KMT2D: variants seen among roughly 807,000 people sequenced by gnomAD.
KMT2D encodes the protein lysine methyltransferase 2D, also known as histone-lysine N-methyltransferase 2D.
A neutral mutation model predicts 512.7 loss-of-function variants in KMT2D; 55 were observed. That is an observed-to-expected ratio of 0.11 (90% CI 0.09 to 0.13). KMT2D has a LOEUF of 0.13. Among genes scored for constraint, KMT2D ranks in the 10% least tolerant of loss-of-function variants. The probability of loss-of-function intolerance (pLI) is 1.00; values close to 1 mark genes in which losing one functional copy is unlikely to be tolerated. For synonymous variants in KMT2D, 2,995 were observed against 2,904.0 expected, an observed-to-expected ratio of 1.03 and a Z score of -1.01; for missense variants, 6,061 against 7,127.9, an observed-to-expected ratio of 0.85 and a Z score of 5.39.
At position 49,040,329 on chromosome 12, in the gene KMT2D, C is replaced by A. The variant is rs2120527083; in HGVS notation, c.7441G>T (p.Ala2481Ser). Reference protein sequence around the residue: ...RPQPPEVAFKAGSLAHTSLGA... With the variant: ...RPQPPEVAFKSGSLAHTSLGA... ...AGCGAAGTGTGGGCTAGAGACCCAG[C>A]CTTAAAGGCAACTTCAGGGGGCTGG... The change falls in exon 32 of 55, where the codon GCT (alanine) becomes TCT (serine). Residue 2481 changes from alanine to serine, a missense_variant. Ala to Ser is a moderately conservative substitution (Grantham distance 99). Transcript: ENST00000301067. 6.4e-7 allele frequency: 1 copy of A among 1,572,224 alleles called. No individual in the cohort carries two copies. The highest frequency in any genetic ancestry group is 8.6e-7 in the Non-Finnish European group (1 of 1,158,976).
chr12:49,032,042 C>T lies in KMT2D; in HGVS notation c.12663G>A (p.Gln4221=). The T allele has an allele frequency of 6.2e-7, 1 of 1,608,830 alleles. No homozygotes were observed. The highest frequency in any genetic ancestry group is 8.5e-7 in the Non-Finnish European group (1 of 1,176,916). The change falls in exon 40 of 55, where the codon CAG becomes CAA. Residue 4221 remains glutamine, a synonymous_variant. Coordinates refer to ENST00000301067, the MANE Select transcript of KMT2D (RefSeq NM_003482.4). ...LRHLSPQQQQ[Q]LQALLMQRQL... ...GCCGCTGCATGAGGAGTGCCTGTAG[C>T]TGCTGCTGCTGCTGAGGACTTAAGT...
rs777250293 is a variant in KMT2D, at chr12:49,041,161, C to A, written c.6609G>T (p.Thr2203=). 8 of 1,520,586 alleles carry A rather than the reference C, an allele frequency of 5.3e-6. No homozygotes were observed. The highest frequency in any genetic ancestry group is 7.0e-6 in the Non-Finnish European group (8 of 1,137,602). The allele number at this position is 1,520,586 out of a possible 1,614,324, so 94.2% of individuals were successfully genotyped here. ...GCATCGGGGGCTGCGCAGGGGCCCC[C>A]GTAGGACTAGGATAGGGGGGATAGG... The part of the protein sequence containing the change: ...PPTYPPYPSP[T]GAPAQPPMLG... The change falls in exon 32 of 55, where the codon ACG becomes ACT. Residue 2203 remains threonine, a synonymous_variant. Transcript: ENST00000301067. The surrounding 1 kb of genome is among the most constrained non-coding windows in gnomAD (Gnocchi z 5.4).
In KMT2D at chr12:49,027,001, G is replaced by A. The variant is rs369790149; in HGVS notation, c.14965C>T (p.Arg4989Trp). The A allele has an allele frequency of 5.0e-6, 8 of 1,613,916 alleles. No homozygotes were observed. The highest frequency in any genetic ancestry group is 6.8e-6 in the Non-Finnish European group (8 of 1,179,906). Residue 4989 changes from arginine (R) to tryptophan (W), a missense_variant, in exon 49 of 55, where the codon CGG (arginine) becomes TGG (tryptophan). Physicochemically the swap from Arg to Trp is moderately radical, Grantham distance 101 (BLOSUM62 -3). Around this residue, in one of 16 missense-constraint regions of KMT2D, gnomAD observed 1,600 missense variants for 1,754.9 expected, o/e 0.91. Transcript: ENST00000301067. The part of the protein sequence containing the change: ...LKKWKGVRWK[R>W]LRLLLTIQKG... ...TGGATGGTCAGCAGCAGCCGAAGCCGCTTCCAGCGCACTCCTTTCCATTTC... is the reference window on the plus strand; with the variant it reads ...TGGATGGTCAGCAGCAGCCGAAGCCACTTCCAGCGCACTCCTTTCCATTTC...
Position 49,037,897 on chromosome 12 carries a change from C to G in KMT2D, c.9459G>C (p.Gly3153=), listed in dbSNP as rs753391993. ...PAPAANSLGL[G]LKPGQSMMGS... ...CCATCATGCTCTGTCCTGGCTTTAG[C>G]CCCAGGCCAAGGGAATTGGCAGCAG... Residue 3153 remains glycine, a synonymous_variant, in exon 35 of 55, where the codon GGG becomes GGC. Transcript: ENST00000301067. 4.8e-4 allele frequency: 774 copies of G among 1,601,506 alleles called. No individual in the cohort carries two copies. The highest frequency in any genetic ancestry group is 6.5e-4 in the Non-Finnish European group (763 of 1,174,418).
At position 49,031,156 on chromosome 12, in the gene KMT2D, C is replaced by T. The variant is rs200348546; in HGVS notation, c.13530+19G>A. Reference sequence around the variant, plus strand: ...TCTAGGACCCACTCTACCTGCTCCACTCTACTCAGAGTACTCACCTCCTTG... The same window carrying T: ...TCTAGGACCCACTCTACCTGCTCCATTCTACTCAGAGTACTCACCTCCTTG... On this transcript the variant is annotated intron_variant, in intron 40 of 54. Transcript: ENST00000301067. The T allele has an allele frequency of 6.2e-7, 1 of 1,607,384 alleles. No homozygotes were observed. Among genetic ancestry groups the T allele is most frequent in the African/African-American group, 1.3e-5 (1 of 74,960 alleles).
chr12:49,023,045 G>C (rs1298360033), intron 51 of KMT2D, among the ~76,000 whole-genome samples, 170 bp from the exon 52 acceptor site: 3 of 152,184 alleles, frequency 2.0e-5, no homozygotes, highest in African/African-American at 7.2e-5. Context: ...CTGGGTCTCA[G>C]CTCTGGTGAG....
chr12:49,043,463 T>A, intron 24 of KMT2D, 35 bp from the exon 25 acceptor site: 1 of 1,609,954 alleles, frequency 6.2e-7, no homozygotes, highest in Non-Finnish European at 8.5e-7. Context: ...ATCAGAGATG[T>A]CCTACATCTG....
rs1451497099 is a variant in KMT2D, at chr12:49,039,984, G to A, written c.7786C>T (p.Pro2596Ser). The A allele has an allele frequency of 6.2e-7, 1 of 1,613,794 alleles. No homozygotes were observed. Among genetic ancestry groups the A allele is most frequent in the Non-Finnish European group, 8.5e-7 (1 of 1,179,784 alleles). Residue 2596 changes from proline to serine, a missense_variant, in exon 32 of 55, where the codon CCC becomes TCC. By Grantham distance (74) the Pro-to-Ser change is moderately conservative. This residue lies in a region of KMT2D where 527 missense variants were observed against 578.9 expected (regional missense o/e 0.91). Transcript: ENST00000301067. This position sits in a 1 kb window ranked among gnomAD's most constrained non-coding sequence, Gnocchi z 5.0. ...NFHPSGSPLG[P>S]SSGSTGESYG... The stretch of plus-strand genomic sequence containing the variant: ...CTCTCCCCTGTGGACCCGCTGCTGG[G>A]CCCCAGGGGGCTGCCCGATGGGTGG...
rs2120681300 is a variant in KMT2D, at chr12:49,052,112, T to G, written c.1571A>C (p.Glu524Ala). The change falls in exon 11 of 55, where the codon GAA (glutamate) becomes GCA (alanine). Residue 524 changes from glutamate to alanine, a missense_variant. Coordinates refer to ENST00000301067, the MANE Select transcript of KMT2D (RefSeq NM_003482.4). Reference sequence around the variant, plus strand: ...AAGTGCAGGAGATGGGGGTGACTCTTCCGGTGGAGACAAGGGCGACTCCTC... The same window carrying G: ...AAGTGCAGGAGATGGGGGTGACTCTGCCGGTGGAGACAAGGGCGACTCCTC... Reference protein sequence around the residue: ...PLEESPLSPPEESPPSPALET... With the variant: ...PLEESPLSPPAESPPSPALET... 1.2e-6 allele frequency: 2 copies of G among 1,609,698 alleles called. No homozygotes were observed. The highest frequency in any genetic ancestry group is 1.7e-6 in the Non-Finnish European group (2 of 1,178,834).
chr12:49,022,981 C>T lies in KMT2D; in HGVS notation c.16053-106G>A, dbSNP rs1350392235. 19 of 1,217,390 alleles carry T rather than the reference C, an allele frequency of 1.6e-5. No individual in the cohort carries two copies. The highest frequency in any genetic ancestry group is 8.6e-5 in the Admixed American group (3 of 35,060). 75.4% of individuals were successfully genotyped at this position (1,217,390 alleles called of 1,614,324 possible). A position where few individuals can be genotyped will look rare whatever the true frequency, so the allele number is the denominator to read the frequency against. On this transcript the variant is annotated intron_variant, in intron 51 of 54. Transcript: ENST00000301067. The surrounding 1 kb of genome is among the most constrained non-coding windows in gnomAD (Gnocchi z 8.6). ...GGATGTGCAACACACCAGTTAGGGG[C>T]GTGTGCTGCTGGCAAGCACTGGAAG...
intron 42 of KMT2D, 22 bp downstream of exon 42, chr12:49,030,579 A>G (rs755413652): frequency 6.5e-7 from 1 of 1,542,318 alleles, no homozygotes; most frequent in South Asian, 1.2e-5. Flanking sequence ...CTATTCCCAA[A>G]AAATATTGCC....
At position 49,024,053 on chromosome 12, in the gene KMT2D, C is replaced by T. The variant is rs1240542541; in HGVS notation, c.16052+525G>A. 2.2e-6 allele frequency: 1 copy of T among 455,116 alleles called. No homozygotes were observed. Among genetic ancestry groups the T allele is most frequent in the Non-Finnish European group, 4.4e-6 (1 of 226,724 alleles). The allele number at this position is 455,116 out of a possible 1,614,324, so 28.2% of individuals were successfully genotyped here. A position where few individuals can be genotyped will look rare whatever the true frequency, so the allele number is the denominator to read the frequency against. ...GGGTCATACCACCTGCCCTACCTAC[C>T]TCATAAGGTTGTTGTGAGGATCAAA... is the stretch of plus-strand genomic sequence containing the variant. On this transcript the variant is annotated intron_variant, in intron 51 of 54. Transcript: ENST00000301067. The surrounding 1 kb of genome is among the most constrained non-coding windows in gnomAD (Gnocchi z 4.5).
Position 49,041,135 on chromosome 12 carries a change from A to G in KMT2D, c.6635T>C (p.Leu2212Pro), listed in dbSNP as rs2120542252. ...PTGAPAQPPM[L>P]GASSRPGAGQ... Reference sequence around the variant, plus strand: ...AGCCCCAGGACGAGATGAGGCGCCCAGCATCGGGGGCTGCGCAGGGGCCCC... The same window carrying G: ...AGCCCCAGGACGAGATGAGGCGCCCGGCATCGGGGGCTGCGCAGGGGCCCC... Residue 2212 changes from leucine to proline, a missense_variant, in exon 32 of 55, where the codon CTG becomes CCG. By Grantham distance (98) the Leu-to-Pro change is moderately conservative. Transcript: ENST00000301067. This position sits in a 1 kb window ranked among gnomAD's most constrained non-coding sequence, Gnocchi z 5.4. The G allele has an allele frequency of 1.3e-6, 2 of 1,526,242 alleles. No individual in the cohort carries two copies. Among genetic ancestry groups the G allele is most frequent in the Non-Finnish European group, 1.8e-6 (2 of 1,140,770 alleles). The allele number at this position is 1,526,242 out of a possible 1,614,324, so 94.5% of individuals were successfully genotyped here.
At chr12:49,058,675 C>T (rs1037648441) in intron 1 of KMT2D, among the ~76,000 whole-genome samples, 1 of 152,136 alleles carries the variant, frequency 6.6e-6, no homozygotes, top group African/African-American at 2.4e-5. Flanking sequence ...CACAGGCCAC[C>T]CCATTCTGCA....
chr12:49,024,465 C>T lies in KMT2D; in HGVS notation c.16052+113G>A. Reference sequence around the variant, plus strand: ...CTAATTAGGAAGTCTAAGAGTGATTCCCCATTTTCTCCACGGGAACTCTGA... The same window carrying T: ...CTAATTAGGAAGTCTAAGAGTGATTTCCCATTTTCTCCACGGGAACTCTGA... On this transcript the variant is annotated intron_variant, in intron 51 of 54. Transcript: ENST00000301067. The surrounding 1 kb of genome is among the most constrained non-coding windows in gnomAD (Gnocchi z 4.5). 1 of 1,373,170 alleles carries T rather than the reference C, an allele frequency of 7.3e-7. No homozygotes were observed. Among genetic ancestry groups the T allele is most frequent in the Non-Finnish European group, 9.9e-7 (1 of 1,012,552 alleles). 85.1% of individuals were successfully genotyped at this position (1,373,170 alleles called of 1,614,324 possible). A position where few individuals can be genotyped will look rare whatever the true frequency, so the allele number is the denominator to read the frequency against.
rs1301874523 is a variant in KMT2D at position 49,024,904 on chromosome 12, T to C, written c.15827A>G (p.Lys5276Arg). The part of the protein sequence containing the change: ...RIIEPVAAMR[K>R]EADMLRLFPE... ...GAAGAGTCGCAGCATGTCAGCCTCT[T>C]TTCTCATGGCAGCCACAGGCTCAAT... is the stretch of plus-strand genomic sequence containing the variant. Residue 5276 changes from lysine to arginine, a missense_variant, in exon 50 of 55, where the codon AAA becomes AGA. Transcript: ENST00000301067. This position sits in a 1 kb window ranked among gnomAD's most constrained non-coding sequence, Gnocchi z 4.5. The C allele has an allele frequency of 1.2e-6, 2 of 1,601,298 alleles. No individual in the cohort carries two copies. The highest frequency in any genetic ancestry group is 1.3e-5 in the African/African-American group (1 of 74,564).
In KMT2D at chr12:49,021,876, A is replaced by C. The variant is rs779139301; in HGVS notation, c.16522-4T>G. 17 of 1,612,880 alleles carry C rather than the reference A, an allele frequency of 1.1e-5. No individual in the cohort carries two copies. The highest frequency in any genetic ancestry group is 6.7e-5 in the African/African-American group (5 of 74,906). On this transcript the variant is annotated splice_region_variant and splice_polypyrimidine_tract_variant and intron_variant, in intron 54 of 54. Transcript: ENST00000301067. The stretch of plus-strand genomic sequence containing the variant: ...CAAACTGATAGTCATAGGTTAGCTG[A>C]AAAGAGAAGAGGGCAGAATCAATGC...
In KMT2D at chr12:49,049,540, G is replaced by C. The variant is rs1330755727; in HGVS notation, c.3906+142C>G. The C allele has an allele frequency of 4.3e-5, 40 of 931,396 alleles. No individual in the cohort carries two copies. The East Asian group carries it at 9.5e-4, about 22-fold the overall frequency. The allele number at this position is 931,396 out of a possible 1,614,324, so 57.7% of individuals were successfully genotyped here. A position where few individuals can be genotyped will look rare whatever the true frequency, so the allele number is the denominator to read the frequency against. On this transcript the variant is annotated intron_variant, in intron 12 of 54. Transcript: ENST00000301067. ...AGTTACTTGTCCCTTCTACGTATTA[G>C]TATTTTCTCCTTAATAACTGGAATA... is the stretch of plus-strand genomic sequence containing the variant.
intron 40 of KMT2D, 69 bp downstream of exon 40, chr12:49,031,106 C>G (rs574825190): frequency 1.9e-6 from 3 of 1,610,728 alleles, no homozygotes; most frequent in Non-Finnish European, 2.5e-6. Context: ...CTGACCCAGG[C>G]TCACTCATTC....
Sources: allele counts gnomAD v4.1 joint callset (sites outside exome capture counted in the v4.1 genomes callset), GRCh38; gene constraint gnomAD v4.1.1; regional missense constraint gnomAD v4.1.1; non-coding constraint Gnocchi (gnomAD v3.1); transcripts MANE v1.5; gene names NCBI Gene and HGNC (gene_info 2026-07-23, HGNC 2026-07-21).